The following IDH3A variants were observed in gnomAD, a reference collection of about 807,000 sequenced individuals.
IDH3A encodes the protein isocitrate dehydrogenase (NAD(+)) 3 catalytic subunit alpha.
IDH3A carries 23 observed loss-of-function variants against 43.3 expected under a neutral mutation model. The observed-to-expected ratio is 0.53, with a 90% CI of 0.38 to 0.75. The LOEUF (loss-of-function observed/expected upper bound fraction) is 0.75. IDH3A is among the 30% of genes least tolerant of loss of function. The pLI, the probability that IDH3A is intolerant of heterozygous loss-of-function variation, is 0.00. For synonymous variants in IDH3A, 154 were observed against 163.5 expected (o/e 0.94, Z 0.44); for missense variants, 329 against 474.4 (o/e 0.69, Z 2.85).
intron 1 of IDH3A, chr15:78,151,188 G>A (rs762822833): frequency 7.2e-5 from 11 of 152,276 alleles, no homozygotes; most frequent in Non-Finnish European, 1.3e-4. Flanking sequence ...TTTAGGGATT[G>A]GAGCAGAAGG....
rs1443891250 is a variant in IDH3A, at chr15:78,168,861, T to A, written c.1018-61T>A. The A allele has an allele frequency of 2.7e-6, 3 of 1,106,892 alleles. No homozygotes were observed. The African/African-American group carries it at 4.6e-5, about 17-fold the overall frequency. The allele number at this position is 1,106,892 out of a possible 1,614,324, so 68.6% of individuals were successfully genotyped here. A position where few individuals can be genotyped will look rare whatever the true frequency, so the allele number is the denominator to read the frequency against. On this transcript the variant is annotated intron_variant, in intron 10 of 10. Transcript: ENST00000299518. The stretch of plus-strand genomic sequence containing the variant: ...TGGCATCTCACTGAGGGCTTTAAAA[T>A]CTCCTTGGTTTAGTTTAGTTTGCGG...
chr15:78,161,602 C>T lies in IDH3A; in HGVS notation c.311C>T (p.Ala104Val), dbSNP rs2074681813. The change falls in exon 5 of 11, where the codon GCA becomes GTA. Residue 104 changes from alanine to valine, a missense_variant. Transcript: ENST00000299518. This position sits in a 1 kb window ranked among gnomAD's most constrained non-coding sequence, Gnocchi z 4.8. ...GLKGPLKTPIAAGHPSMNLLL... is the reference protein window; with the variant it reads ...GLKGPLKTPIVAGHPSMNLLL... ...ACAGGCCCTTTGAAGACCCCAATAGCAGCCGGTCACCCATCTATGAATTTA... is the reference window on the plus strand; with the variant it reads ...ACAGGCCCTTTGAAGACCCCAATAGTAGCCGGTCACCCATCTATGAATTTA... The T allele has an allele frequency of 6.2e-7, 1 of 1,613,706 alleles. No individual in the cohort carries two copies.
chr15:78,158,989 C>T (rs940017079), intron 3 of IDH3A, among the ~76,000 whole-genome samples: 3 of 152,066 alleles, frequency 2.0e-5, no homozygotes, highest in South Asian at 2.1e-4. Context: ...CCTGCCACCA[C>T]GCCCAGCTGA....
At chr15:78,155,410 T>G in intron 2 of IDH3A, 135 bp downstream of exon 2, 1 of 571,062 alleles carries the variant, frequency 1.8e-6, no homozygotes, top group Non-Finnish European at 3.1e-6. Flanking sequence ...TAATGTATGT[T>G]GAAATTACTG....
Position 78,161,885 on chromosome 15 carries a change from T to C in IDH3A, c.477+117T>C. 1 of 911,072 alleles carries C rather than the reference T, an allele frequency of 1.1e-6. No individual in the cohort carries two copies. The highest frequency in any genetic ancestry group is 1.7e-6 in the Non-Finnish European group (1 of 581,084). The allele number at this position is 911,072 out of a possible 1,614,324, so 56.4% of individuals were successfully genotyped here. ...GAGTTGTGGGTGTTTGTCTTGGTGC[T>C]GGGTGTCTGGCTGACAGTACTCAAA... is the stretch of plus-strand genomic sequence containing the variant. On this transcript the variant is annotated intron_variant, in intron 5 of 10. Coordinates refer to ENST00000299518, the MANE Select transcript of IDH3A (RefSeq NM_005530.3). This position sits in a 1 kb window ranked among gnomAD's most constrained non-coding sequence, Gnocchi z 4.8.
At chr15:78,159,925 G>T in intron 3 of IDH3A, 167 bp from the exon 4 acceptor site, 1 of 542,678 alleles carries the variant, frequency 1.8e-6, no homozygotes, top group South Asian at 2.3e-5. Context: ...AACCTGGGAG[G>T]CGGAGGTTAT....
intron 8 of IDH3A, 68 bp from the exon 9 acceptor site, chr15:78,164,923 TA>T: frequency 8.1e-7 from 1 of 1,241,436 alleles, no homozygotes. Context: ...AATTAAAAAC[TA>T]AAATCTGGGT....
In IDH3A at chr15:78,160,230, GT is replaced by G. The variant is rs574206117; in HGVS notation, c.289+29del. 2.4e-4 allele frequency: 334 copies of G among 1,379,640 alleles called. 1 individual carries two copies. The South Asian group carries it at 3.7e-3, about 15-fold the overall frequency. 85.5% of individuals were successfully genotyped at this position (1,379,640 alleles called of 1,614,324 possible). A position where few individuals can be genotyped will look rare whatever the true frequency, so the allele number is the denominator to read the frequency against. On this transcript the variant is annotated intron_variant, in intron 4 of 10. Coordinates refer to ENST00000299518, the MANE Select transcript of IDH3A (RefSeq NM_005530.3). ...AGGTAGCACTGAAGTAGAGACGGGG[GT>G]TTTTACAGATTTCCGCTACAGGGGT...
chr15:78,153,462 G>C (rs577042598), intron 1 of IDH3A, among the ~76,000 whole-genome samples: 2 of 152,310 alleles, frequency 1.3e-5, no homozygotes, highest in East Asian at 3.9e-4. Context: ...CTCGCTGGTG[G>C]ATGAATCATG....
intron 10 of IDH3A, 194 bp from the exon 11 acceptor site, chr15:78,168,728 C>T (rs1285581252): frequency 3.8e-6 from 2 of 531,906 alleles, no homozygotes; most frequent in Middle Eastern, 3.0e-4. Context: ...GTTGTATACA[C>T]TATGAGATTG....
At chr15:78,152,486 G>A (rs1208558920) in intron 1 of IDH3A, among the ~76,000 whole-genome samples, 1 of 149,058 alleles carries the variant, frequency 6.7e-6, no homozygotes, top group Non-Finnish European at 1.5e-5. Flanking sequence ...TCAGCCTCCT[G>A]AATAGCTGGG....
chr15:78,162,286 A>G lies in IDH3A; in HGVS notation c.530A>G (p.Lys177Arg), dbSNP rs565036503. ...SIKLITEGAS[K>R]RIAEFAFEYA... ...AAGCTCATCACCGAGGGGGCGAGCAAGCGCATTGCTGAGTTTGCCTTTGAG... is the reference window on the plus strand; with the variant it reads ...AAGCTCATCACCGAGGGGGCGAGCAGGCGCATTGCTGAGTTTGCCTTTGAG... The change falls in exon 6 of 11, where the codon AAG (lysine) becomes AGG (arginine). Residue 177 changes from lysine to arginine, a missense_variant. By Grantham distance (26) the Lys-to-Arg change is conservative. Transcript: ENST00000299518. The G allele has an allele frequency of 1.2e-4, 200 of 1,614,186 alleles. 6 individuals are homozygous for G. The South Asian group carries it at 2.0e-3, about 16-fold the overall frequency.
Position 78,168,839 on chromosome 15 carries a change from C to CATCT in IDH3A, c.1018-82_1018-79dup, listed in dbSNP as rs1469830525. 16 of 806,342 alleles carry CATCT rather than the reference C, an allele frequency of 2.0e-5. No individual in the cohort carries two copies. In the African/African-American group the frequency reaches 2.7e-4, roughly 14 times the overall value. 49.9% of individuals were successfully genotyped at this position (806,342 alleles called of 1,614,324 possible). The stretch of plus-strand genomic sequence containing the variant: ...GCAGCCGAGTAACTTGCCCAGGTGG[C>CATCT]ATCTCACTGAGGGCTTTAAAATCTC... On this transcript the variant is annotated intron_variant, in intron 10 of 10. Transcript: ENST00000299518.
At chr15:78,165,521 A>G (rs182604520) in intron 9 of IDH3A, among the ~76,000 whole-genome samples, 6 of 152,170 alleles carry the variant, frequency 3.9e-5, no homozygotes, top group Admixed American at 3.9e-4. Context: ...ACCCATATAT[A>G]AACATATATA....
intron 1 of IDH3A, among the ~76,000 whole-genome samples, chr15:78,151,972 A>G (rs1383783179): frequency 6.6e-6 from 1 of 151,584 alleles, no homozygotes; most frequent in African/African-American, 2.4e-5. Context: ...GTCTTCTGTC[A>G]CAGAGACATA....
chr15:78,160,559 A>G (rs376090935), intron 4 of IDH3A, among the ~76,000 whole-genome samples: 1 of 143,610 alleles, frequency 7.0e-6, no homozygotes, highest in African/African-American at 2.6e-5. Flanking sequence ...TGGTGTGATC[A>G]CAGCTCACTG....
Position 78,162,347 on chromosome 15 carries a change from G to A in IDH3A, c.591G>A (p.Ala197=), listed in dbSNP as rs140048877. Residue 197 remains alanine (A), a synonymous_variant, in exon 6 of 11, where the codon GCG becomes GCA. Transcript: ENST00000299518. ...ACAACCACCGGAGCAACGTCACGGC[G>A]GTGCACAAAGCCAACATCATGTGAG... ...ARNNHRSNVT[A]VHKANIMRMS... 74 of 1,613,948 alleles carry A rather than the reference G, an allele frequency of 4.6e-5. No individual in the cohort carries two copies. The highest frequency in any genetic ancestry group is 5.7e-5 in the Non-Finnish European group (67 of 1,179,998).
intron 5 of IDH3A, 143 bp from the exon 6 acceptor site, chr15:78,162,091 T>C (rs1567071229): frequency 1.3e-6 from 1 of 790,262 alleles, no homozygotes; most frequent in Non-Finnish European, 2.1e-6. Context: ...TGAACCCCAT[T>C]GTCGTAGCAG....
Position 78,157,812 on chromosome 15 carries a change from ATTTC to A in IDH3A, c.174+193_174+196del, listed in dbSNP as rs1238688417. Among the ~76,000 whole-genome samples the A allele has an allele frequency of 4.6e-4, 69 of 148,722 alleles. No homozygotes were observed. The East Asian group carries it at 0.011, about 23-fold the overall frequency. On this transcript the variant is annotated intron_variant, in intron 3 of 10. Transcript: ENST00000299518. ...TGTCTCAGTGTTTGCTACTGCCATT[ATTTC>A]TTTCTTTCTTTTTTTTTTTTTTTTA...
Sources: allele counts gnomAD v4.1 joint callset (sites outside exome capture counted in the v4.1 genomes callset), GRCh38; gene constraint gnomAD v4.1.1; non-coding constraint Gnocchi (gnomAD v3.1); transcripts MANE v1.5; gene names NCBI Gene and HGNC (gene_info 2026-07-23, HGNC 2026-07-21).